Variants in ZMAT4 observed in about 807,000 individuals in gnomAD.
ZMAT4 encodes the protein zinc finger matrin-type protein 4.
ZMAT4 carries 17 observed loss-of-function variants against 28.7 expected under a neutral mutation model. That is an observed-to-expected ratio of 0.59 (90% confidence interval 0.41 to 0.89). The LOEUF (loss-of-function observed/expected upper bound fraction) is 0.89, where lower values mean the gene tolerates loss of function less well. ZMAT4 is among the 40% of genes least tolerant of loss of function. The pLI, the probability that ZMAT4 is intolerant of heterozygous loss-of-function variation, is 0.00. For synonymous variants in ZMAT4, 117 were observed against 109.2 expected, an observed-to-expected ratio of 1.07 and a Z score of -0.44; for missense variants, 240 against 283.8, an observed-to-expected ratio of 0.85 and a Z score of 1.11.
chr8:40,811,906 A>G (rs1258350727), intron 2 of ZMAT4, among the ~76,000 whole-genome samples: 4 of 152,174 alleles, frequency 2.6e-5, no homozygotes, highest in Non-Finnish European at 5.9e-5. Context: ...TGAGCTGGGC[A>G]GATCACCTGA....
chr8:40,856,052 C>G (rs563424687), intron 1 of ZMAT4, among the ~76,000 whole-genome samples: 13 of 152,040 alleles, frequency 8.6e-5, no homozygotes, highest in Admixed American at 1.3e-4. Context: ...ACCCTCCCCC[C>G]GGTAGGGAAT....
At chr8:40,631,862 A>C (rs893527070) in intron 5 of ZMAT4, among the ~76,000 whole-genome samples, 1 of 152,228 alleles carries the variant, frequency 6.6e-6, no homozygotes, top group African/African-American at 2.4e-5. Context: ...TCTTACCCTG[A>C]GATATGGCAA....
At chr8:40,606,695 T>C (rs1465724336) in intron 5 of ZMAT4, among the ~76,000 whole-genome samples, 1 of 152,176 alleles carries the variant, frequency 6.6e-6, no homozygotes. Flanking sequence ...CCGGGTGTTG[T>C]TTGAGCTTCT....
chr8:40,660,449 C>T (rs763557832), intron 5 of ZMAT4, among the ~76,000 whole-genome samples: 1 of 152,164 alleles, frequency 6.6e-6, no homozygotes, highest in East Asian at 1.9e-4. Context: ...AAGGAAAGAA[C>T]CATCCCTTTT....
At chr8:40,586,268 A>G (rs971743672) in intron 5 of ZMAT4, among the ~76,000 whole-genome samples, 11 of 152,204 alleles carry the variant, frequency 7.2e-5, no homozygotes, top group Non-Finnish European at 1.5e-4. Context: ...ATTAAACCAA[A>G]AAATGCTAAC....
At chr8:40,589,731 C>CCTTCCTTTCTTTCTTTCTTTCTTTCTTT (rs1554523991) in intron 5 of ZMAT4, among the ~76,000 whole-genome samples, 65 of 139,380 alleles carry the variant, frequency 4.7e-4, no homozygotes, top group African/African-American at 1.6e-3. Flanking sequence ...TTCTTCCTTT[C>CCTTCCTTTCTTTCTTTCTTTCTTTCTTT]CTTTCTTTCT....
chr8:40,801,210 G>T (rs1277618449), intron 2 of ZMAT4, among the ~76,000 whole-genome samples: 1 of 151,260 alleles, frequency 6.6e-6, no homozygotes, highest in East Asian at 1.9e-4. Context: ...ATATATTAGA[G>T]AAATTGAATT....
intron 1 of ZMAT4, among the ~76,000 whole-genome samples, chr8:40,848,809 G>C (rs1651442373): frequency 6.6e-6 from 1 of 152,150 alleles, no homozygotes; most frequent in South Asian, 2.1e-4. Flanking sequence ...CTCAGGAATT[G>C]GGGGTGGTTG....
At chr8:40,592,797 A>G (rs1368482663) in intron 5 of ZMAT4, among the ~76,000 whole-genome samples, 1 of 152,214 alleles carries the variant, frequency 6.6e-6, no homozygotes, top group East Asian at 1.9e-4. Context: ...TATACAGCAG[A>G]GGGAAGATGA....
At chr8:40,710,556 A>T (rs1326900234) in intron 3 of ZMAT4, among the ~76,000 whole-genome samples, 1 of 151,872 alleles carries the variant, frequency 6.6e-6, no homozygotes, top group Non-Finnish European at 1.5e-5. Context: ...TTTCCCTAGC[A>T]CTCAAAAACC....
At chr8:40,809,629 G>T (rs748604702) in intron 2 of ZMAT4, among the ~76,000 whole-genome samples, 1 of 152,148 alleles carries the variant, frequency 6.6e-6, no homozygotes, top group Non-Finnish European at 1.5e-5. Flanking sequence ...ACAATTATGT[G>T]TGTTCTCATG....
At chr8:40,694,279 G>A (rs1358861605) in intron 4 of ZMAT4, among the ~76,000 whole-genome samples, 1 of 152,056 alleles carries the variant, frequency 6.6e-6, no homozygotes, top group African/African-American at 2.4e-5. Flanking sequence ...CCATAGTGTG[G>A]GTTTTCTTTT....
At chr8:40,892,086 C>G (rs891196035) in intron 1 of ZMAT4, among the ~76,000 whole-genome samples, 3 of 152,198 alleles carry the variant, frequency 2.0e-5, no homozygotes, top group African/African-American at 7.2e-5. Context: ...ACTGGGCCAC[C>G]ACTCCACCCT....
intron 5 of ZMAT4, among the ~76,000 whole-genome samples, chr8:40,596,160 C>T (rs1164162812): frequency 6.6e-6 from 1 of 152,040 alleles, no homozygotes; most frequent in African/African-American, 2.4e-5. Flanking sequence ...GTATGGGGCA[C>T]CTACTGTAAT....
intron 6 of ZMAT4, among the ~76,000 whole-genome samples, chr8:40,575,618 G>T (rs1804238725): frequency 7.3e-6 from 1 of 136,884 alleles, no homozygotes; most frequent in Non-Finnish European, 1.6e-5. Context: ...ATCAAAGTCA[G>T]TACACTCTAT....
At chr8:40,775,416 G>A (rs146285521) in intron 2 of ZMAT4, among the ~76,000 whole-genome samples, 11 of 152,186 alleles carry the variant, frequency 7.2e-5, no homozygotes, top group African/African-American at 1.9e-4. Flanking sequence ...CAGAGTGCAC[G>A]GTGGAGGAAA....
intron 2 of ZMAT4, among the ~76,000 whole-genome samples, chr8:40,804,662 A>T (rs1344655416): frequency 6.6e-6 from 1 of 151,982 alleles, no homozygotes; most frequent in Non-Finnish European, 1.5e-5. Context: ...CAACATGGAG[A>T]AACCAGGTCT....
chr8:40,656,256 T>G (rs1322890202), intron 5 of ZMAT4, among the ~76,000 whole-genome samples: 1 of 152,104 alleles, frequency 6.6e-6, no homozygotes, highest in South Asian at 2.1e-4. Flanking sequence ...ACTTACTATG[T>G]CATATTCTAG....
intron 1 of ZMAT4, among the ~76,000 whole-genome samples, chr8:40,840,694 A>G (rs1816669356): frequency 6.6e-6 from 1 of 152,204 alleles, no homozygotes; most frequent in African/African-American, 2.4e-5. Context: ...AGTACTAGGC[A>G]AGGCATTGTT....
Sources: allele counts gnomAD v4.1 joint callset (sites outside exome capture counted in the v4.1 genomes callset), GRCh38; gene constraint gnomAD v4.1.1; transcripts MANE v1.5; gene names NCBI Gene and HGNC (gene_info 2026-07-23, HGNC 2026-07-21).